Variants in ADGRE2 observed in about 807,000 individuals in gnomAD.
ADGRE2 encodes CD97 antigen.
ADGRE2 carries 83 observed loss-of-function variants against 100.8 expected under a neutral mutation model. The observed-to-expected ratio is 0.82, with a 90% confidence interval of 0.69 to 0.99. The LOEUF (loss-of-function observed/expected upper bound fraction) is 0.99. Among genes scored for constraint, ADGRE2 ranks in the 50% least tolerant of loss-of-function variants. The pLI, the probability that ADGRE2 is intolerant of heterozygous loss-of-function variation, is 0.00. For synonymous variants in ADGRE2, 355 were observed against 413.0 expected (o/e 0.86, Z 1.70); for missense variants, 814 against 1,035.7 (o/e 0.79, Z 2.94).
At chr19:14,745,181 A>G (rs2043051112) in intron 18 of ADGRE2, among the ~76,000 whole-genome samples, 1 of 152,022 alleles carries the variant, frequency 6.6e-6, no homozygotes, top group Non-Finnish European at 1.5e-5. Flanking sequence ...AAGTGCTGGG[A>G]TTACAGGCAT....
chr19:14,770,431 T>C (rs1290458889), intron 5 of ADGRE2, among the ~76,000 whole-genome samples: 1 of 152,106 alleles, frequency 6.6e-6, no homozygotes, highest in African/African-American at 2.4e-5. Flanking sequence ...CTTTTCTTTA[T>C]ACATGATCCA....
At chr19:14,747,374 C>G (rs1327093651) in intron 16 of ADGRE2, among the ~76,000 whole-genome samples, 1 of 152,116 alleles carries the variant, frequency 6.6e-6, no homozygotes, top group East Asian at 1.9e-4. Flanking sequence ...GTGGCTCACA[C>G]CTGTATTCCC....
At chr19:14,728,504 G>A (rs1250361398), downstream of ADGRE2, among the ~76,000 whole-genome samples, 1 of 152,120 alleles carries the variant, frequency 6.6e-6, no homozygotes, top group Admixed American at 6.5e-5. Flanking sequence ...TTTGTCTTAT[G>A]TTTAGCTTTG....
At chr19:14,751,714 G>T (rs1462691790) in intron 15 of ADGRE2, 43 bp from the exon 16 acceptor site, 2 of 1,455,418 alleles carry the variant, frequency 1.4e-6, no homozygotes, top group African/African-American at 1.4e-5. Context: ...GATCAGATTT[G>T]AGTGTGGCCC....
At chr19:14,738,251 G>A (rs540360342) in intron 20 of ADGRE2, among the ~76,000 whole-genome samples, 1 of 152,152 alleles carries the variant, frequency 6.6e-6, no homozygotes, top group Non-Finnish European at 1.5e-5. Context: ...CTTGACCTCG[G>A]AGCTCCAGGG....
intron 1 of ADGRE2, 121 bp from the exon 2 acceptor site, chr19:14,777,048 T>C (rs1221843342): frequency 1.3e-5 from 16 of 1,253,020 alleles, no homozygotes; most frequent in Non-Finnish European, 1.6e-5. Context: ...AAGTGCAACC[T>C]GCTTTAAAAA....
rs538031378 is a variant in ADGRE2 at position 14,752,176 on chromosome 19, G to A, written c.1788+153C>T. ...TCAAACTCCCGACCTGAGGTGATCC[G>A]CCCACCTCAGTCTCCCAAAGTGCTG... On this transcript the variant is annotated intron_variant, in intron 15 of 20. Transcript: ENST00000315576. Among the ~76,000 whole-genome samples the A allele has an allele frequency of 2.0e-5, 3 of 151,932 alleles. No individual in the cohort carries two copies. The East Asian group carries it at 5.8e-4, about 30-fold the overall frequency.
Position 14,746,893 on chromosome 19 carries a change from C to T in ADGRE2, c.2091+3G>A, listed in dbSNP as rs781035186. The T allele has an allele frequency of 5.0e-6, 8 of 1,613,474 alleles. No individual in the cohort carries two copies. Among genetic ancestry groups the T allele is most frequent in the Middle Eastern group, 1.6e-4 (1 of 6,062 alleles). ...GCGAGGATGCTCAGATGATGTCACT[C>T]ACAGAGAAGATGGCGCAGACAGGTC... On this transcript the variant is annotated splice_donor_region_variant and intron_variant, in intron 17 of 20. Transcript: ENST00000315576.
chr19:14,751,507 G>T lies in ADGRE2; in HGVS notation c.1953C>A (p.Gly651=). Residue 651 remains glycine (G), a synonymous_variant, in exon 16 of 21, where the codon GGC becomes GGA. Transcript: ENST00000315576. ...RFMKKLMFPV[G]YGVPAVTVAI... The stretch of plus-strand genomic sequence containing the variant: ...CCACTGTCACAGCTGGGACTCCGTA[G>T]CCCACAGGGAACATGAGCTTCTTCA... 6.2e-7 allele frequency: 1 copy of T among 1,614,118 alleles called. No individual in the cohort carries two copies. The highest frequency in any genetic ancestry group is 8.5e-7 in the Non-Finnish European group (1 of 1,180,016).
intron 20 of ADGRE2, among the ~76,000 whole-genome samples, chr19:14,739,724 T>C (rs56132355): frequency 0.085 from 12,861 of 152,088 alleles, 1,871 homozygotes; most frequent in African/African-American, 0.29. Context: ...GATCTTGAGA[T>C]GGGAAAATTG....
Position 14,736,264 on chromosome 19 carries a change from A to G in ADGRE2, c.2464-20T>C, listed in dbSNP as rs1214376320. The G allele has an allele frequency of 2.0e-6, 3 of 1,490,804 alleles. No homozygotes were observed. The highest frequency in any genetic ancestry group is 2.8e-6 in the Non-Finnish European group (3 of 1,076,990). The allele number at this position is 1,490,804 out of a possible 1,614,324, so 92.3% of individuals were successfully genotyped here. On this transcript the variant is annotated intron_variant, in intron 20 of 20. Transcript: ENST00000315576. The stretch of plus-strand genomic sequence containing the variant: ...GTTAACCTGAAATATATATATATGT[A>G]TGTATTTTGTTGTTGAGACAGAGTT...
At chr19:14,731,457 C>T (rs114933003), downstream of ADGRE2, 893 of 490,644 alleles carry the variant, frequency 1.8e-3, 8 homozygotes, top group African/African-American at 0.016. Context: ...GTCTTTGTTT[C>T]CCCAGCCGTG....
chr19:14,776,233 G>A (rs954126980), intron 2 of ADGRE2, among the ~76,000 whole-genome samples: 4 of 152,050 alleles, frequency 2.6e-5, no homozygotes, highest in African/African-American at 9.7e-5. Flanking sequence ...TAGGGAGATA[G>A]AGAGACTGAA....
chr19:14,727,024 C>CTT, the ADGRE2 span, among the ~76,000 whole-genome samples: 1,677 of 70,084 alleles, frequency 0.024, no homozygotes, highest in Non-Finnish European at 0.034. Context: ...AGAAAAGAGG[C>CTT]TTTTTTTTTT....
rs2044458316 is a variant in ADGRE2, at chr19:14,776,758, G to C, written c.-2C>G. 2 of 1,613,550 alleles carry C rather than the reference G, an allele frequency of 1.2e-6. No individual in the cohort carries two copies. The highest frequency in any genetic ancestry group is 4.5e-5 in the East Asian group (2 of 44,842). On this transcript the variant is annotated 5_prime_UTR_variant, in exon 2 of 21. Transcript: ENST00000315576. ...GACGAGAAAGACGCGGCCTCCCATG[G>C]TTCCAGCTGAGCTGCCGGCAGGAGC... is the stretch of plus-strand genomic sequence containing the variant.
intron 17 of ADGRE2, 134 bp from the exon 18 acceptor site, chr19:14,746,457 C>T: frequency 1.6e-6 from 1 of 613,588 alleles, no homozygotes; most frequent in Non-Finnish European, 2.9e-6. Context: ...ACTGCCACCT[C>T]TGCCTCCCGG....
chr19:14,772,899 CA>C (rs113933192), intron 4 of ADGRE2, among the ~76,000 whole-genome samples: 3,724 of 151,326 alleles, frequency 0.025, 66 homozygotes, highest in South Asian at 0.056. Flanking sequence ...GCCAACAGGG[CA>C]AAACCCCATC....
At chr19:14,760,868 T>C (rs2043693237) in intron 11 of ADGRE2, among the ~76,000 whole-genome samples, 1 of 152,220 alleles carries the variant, frequency 6.6e-6, no homozygotes, top group African/African-American at 2.4e-5. Context: ...GCCTGATACC[T>C]GAAGAGTTCA....
rs191922039 is a variant in ADGRE2 at position 14,750,476 on chromosome 19, A to G, written c.2024+960T>C. Among the ~76,000 whole-genome samples the G allele has an allele frequency of 7.7e-4, 117 of 152,218 alleles. 4 individuals carry two copies. Among genetic ancestry groups the G allele is most frequent in the Admixed American group, 7.1e-3 (109 of 15,266 alleles). Reference sequence around the variant, plus strand: ...TAACATCATACATTAATGAGGACAGAGTCAATGCTTTCTCCCTAAGTACAG... The same window carrying G: ...TAACATCATACATTAATGAGGACAGGGTCAATGCTTTCTCCCTAAGTACAG... On this transcript the variant is annotated intron_variant, in intron 16 of 20. Transcript: ENST00000315576.
Sources: gnomAD v4.1 joint callset for allele counts (sites outside exome capture counted in the v4.1 genomes callset) on GRCh38, gnomAD v4.1.1 for gene constraint, MANE v1.5 for transcripts, NCBI Gene and HGNC (gene_info 2026-07-23, HGNC 2026-07-21) for gene names.